The following ERP44 variants were observed in gnomAD, a reference collection of about 807,000 sequenced individuals.
The protein encoded by ERP44 is endoplasmic reticulum protein 44, also known as endoplasmic reticulum resident protein 44.
Under a neutral mutation model 53.4 loss-of-function variants are expected in ERP44, and 25 were observed. The ratio of observed to expected loss-of-function variants is 0.47; its 90% CI spans 0.34 to 0.65. The LOEUF (loss-of-function observed/expected upper bound fraction) is 0.65. Ranked by LOEUF, ERP44 falls within the 30% of genes least tolerant of loss-of-function variation. The pLI, the probability that ERP44 is intolerant of heterozygous loss-of-function variation, is 0.01. For synonymous variants in ERP44, 145 were observed against 161.2 expected, an observed-to-expected ratio of 0.90 and a Z score of 0.76; for missense variants, 338 against 493.2, an observed-to-expected ratio of 0.69 and a Z score of 2.98.
intron 1 of ERP44, among the ~76,000 whole-genome samples, chr9:100,092,034 C>G (rs2118762163): frequency 6.6e-6 from 1 of 152,316 alleles, no homozygotes; most frequent in Admixed American, 6.5e-5. Context: ...TCTCAATGAT[C>G]TTTTTCTCCT....
chr9:100,029,667 T>C (rs1386394145), intron 4 of ERP44, among the ~76,000 whole-genome samples: 1 of 152,208 alleles, frequency 6.6e-6, no homozygotes, highest in Non-Finnish European at 1.5e-5. Context: ...TCCATTACTG[T>C]GTATTTATCC....
intron 4 of ERP44, among the ~76,000 whole-genome samples, chr9:100,029,016 A>G (rs963926725): frequency 1.3e-5 from 2 of 152,348 alleles, no homozygotes; most frequent in Admixed American, 1.3e-4. Context: ...CTCTCACCAT[A>G]AACAAAAATC....
At chr9:100,001,570 CTT>C (rs1830378373) in intron 10 of ERP44, among the ~76,000 whole-genome samples, 1 of 152,070 alleles carries the variant, frequency 6.6e-6, no homozygotes, top group African/African-American at 2.4e-5. Flanking sequence ...GAATTGATCT[CTT>C]TATATTTACA....
rs201270878 is a variant in ERP44 at position 100,088,515 on chromosome 9, G to A, written c.57+10269C>T. 3.3e-5 allele frequency among the ~76,000 whole-genome samples: 5 copies of A among 152,130 alleles called. No homozygotes were observed. In the East Asian group the frequency reaches 9.6e-4, roughly 29 times the overall value. On this transcript the variant is annotated intron_variant, in intron 1 of 11. Coordinates refer to ENST00000262455, the MANE Select transcript of ERP44 (RefSeq NM_015051.3). ...CTAATACACTCCTGATCCTTCTCAC[G>A]TAAGCCCTACCTTTTCTTTTTCCAC...
chr9:100,062,052 G>C (rs1217757294), intron 1 of ERP44, among the ~76,000 whole-genome samples: 1 of 152,084 alleles, frequency 6.6e-6, no homozygotes, highest in African/African-American at 2.4e-5. Flanking sequence ...GTATCCTCTA[G>C]ACCCTGAGAA....
At chr9:99,985,402 T>TA (rs1288732916) in intron 10 of ERP44, among the ~76,000 whole-genome samples, 3 of 151,632 alleles carry the variant, frequency 2.0e-5, no homozygotes, top group Non-Finnish European at 2.9e-5. Context: ...TATATGTAAC[T>TA]AAAAAAAAAC....
intron 4 of ERP44, among the ~76,000 whole-genome samples, chr9:100,036,119 C>T (rs2118679879): frequency 6.6e-6 from 1 of 152,288 alleles, no homozygotes; most frequent in Non-Finnish European, 1.5e-5. Context: ...GCACTATTCA[C>T]AATAGCAAAA....
At chr9:100,058,786 G>A (rs1826112522) in intron 2 of ERP44, among the ~76,000 whole-genome samples, 1 of 152,210 alleles carries the variant, frequency 6.6e-6, no homozygotes, top group South Asian at 2.1e-4. Context: ...AAGCACTCAT[G>A]AAAATAAAAC....
intron 1 of ERP44, among the ~76,000 whole-genome samples, chr9:100,095,609 A>AT (rs753835643): frequency 3.9e-4 from 59 of 151,622 alleles, no homozygotes; most frequent in Non-Finnish European, 6.2e-4. Context: ...CACCTGGGAA[A>AT]TTTTTTTTTA....
intron 11 of ERP44, among the ~76,000 whole-genome samples, chr9:99,983,324 T>C (rs1830166256): frequency 6.6e-6 from 1 of 151,784 alleles, no homozygotes; most frequent in Admixed American, 6.6e-5. Context: ...GGCGGGTGGA[T>C]CATGAGGTCA....
At chr9:100,016,935 G>A (rs1830531154) in intron 7 of ERP44, among the ~76,000 whole-genome samples, 1 of 152,106 alleles carries the variant, frequency 6.6e-6, no homozygotes, top group Admixed American at 6.5e-5. Context: ...TTCACCAAAG[G>A]CAGGAAGGCA....
At chr9:100,095,283 T>C (rs986046927) in intron 1 of ERP44, among the ~76,000 whole-genome samples, 2 of 152,004 alleles carry the variant, frequency 1.3e-5, no homozygotes, top group Non-Finnish European at 2.9e-5. Context: ...ATCCAGAATG[T>C]GGCAAATGCT....
intron 1 of ERP44, among the ~76,000 whole-genome samples, chr9:100,065,688 A>T (rs1014296786): frequency 2.0e-5 from 3 of 152,214 alleles, no homozygotes; most frequent in Non-Finnish European, 4.4e-5. Flanking sequence ...GTTATATTAC[A>T]TTAGTGGATA....
intron 1 of ERP44, among the ~76,000 whole-genome samples, chr9:100,071,403 G>A (rs1826302938): frequency 6.6e-6 from 1 of 152,064 alleles, no homozygotes; most frequent in African/African-American, 2.4e-5. Context: ...ACTGTTTTTG[G>A]GTGAGTAAAT....
At chr9:100,077,014 C>A (rs574337920) in intron 1 of ERP44, among the ~76,000 whole-genome samples, 1 of 152,234 alleles carries the variant, frequency 6.6e-6, no homozygotes, top group South Asian at 2.1e-4. Flanking sequence ...GAGACCAACA[C>A]TGAGCCCTCA....
At chr9:100,042,424 T>C (rs955487782) in intron 4 of ERP44, among the ~76,000 whole-genome samples, 1 of 152,144 alleles carries the variant, frequency 6.6e-6, no homozygotes, top group African/African-American at 2.4e-5. Context: ...CTGACGAGTA[T>C]AAGGTGAAAA....
intron 1 of ERP44, among the ~76,000 whole-genome samples, chr9:100,088,740 G>A (rs772550937): frequency 1.3e-5 from 2 of 152,178 alleles, no homozygotes; most frequent in Non-Finnish European, 2.9e-5. Context: ...AAATAGAGAT[G>A]TTAAGAAGAA....
At chr9:100,011,438 T>G (rs1830474942) in intron 8 of ERP44, among the ~76,000 whole-genome samples, 1 of 152,234 alleles carries the variant, frequency 6.6e-6, no homozygotes, top group African/African-American at 2.4e-5. Context: ...TTGAGTGCAG[T>G]GCACATAGAA....
intron 1 of ERP44, among the ~76,000 whole-genome samples, chr9:100,089,988 C>G (rs1203129661): frequency 6.6e-6 from 1 of 152,108 alleles, no homozygotes; most frequent in Non-Finnish European, 1.5e-5. Context: ...AAAGGTTAAA[C>G]TAACAAAGAA....
Sources: allele counts gnomAD v4.1 joint callset (sites outside exome capture counted in the v4.1 genomes callset), GRCh38; gene constraint gnomAD v4.1.1; transcripts MANE v1.5; gene names NCBI Gene and HGNC (gene_info 2026-07-23, HGNC 2026-07-21).